COG6: variants seen among roughly 807,000 people sequenced by gnomAD.
The protein encoded by COG6 is conserved oligomeric Golgi complex subunit 6.
COG6 carries 74 observed loss-of-function variants against 88.8 expected under a neutral mutation model. The ratio of observed to expected loss-of-function variants is 0.83; its 90% confidence interval spans 0.69 to 1.01. The LOEUF is 1.01. Ranked by LOEUF, COG6 falls within the 50% of genes least tolerant of loss-of-function variation. COG6 has a pLI of 0.00. For synonymous variants in COG6, 286 were observed against 278.7 expected, an observed-to-expected ratio of 1.03 and a Z score of -0.26; for missense variants, 800 against 797.9, an observed-to-expected ratio of 1.00 and a Z score of -0.03.
Position 39,655,804 on chromosome 13 carries a change from G to A in COG6, c.78G>A (p.Gly26=). ...AANGLNNGAG[G]TSATTCNPLS... is the part of the protein sequence containing the mutation. ...ACGGCCTCAACAATGGGGCAGGCGG[G>A]ACCTCGGCGACGACCTGCAACCCGC... Residue 26 remains glycine, a synonymous_variant, in exon 1 of 19, where the codon GGG becomes GGA. Coordinates refer to ENST00000455146, the MANE Select transcript of COG6 (RefSeq NM_020751.3). 6.3e-7 allele frequency: 1 copy of A among 1,598,780 alleles called. No individual in the cohort carries two copies. Among genetic ancestry groups the A allele is most frequent in the Non-Finnish European group, 8.5e-7 (1 of 1,173,286 alleles).
downstream of COG6, among the ~76,000 whole-genome samples, chr13:39,757,118 A>G (rs1334208324): frequency 6.6e-6 from 1 of 152,240 alleles, no homozygotes; most frequent in Non-Finnish European, 1.5e-5. Context: ...ATTTTAAAAG[A>G]TTGAAATTAT....
intron 13 of COG6, among the ~76,000 whole-genome samples, chr13:39,704,353 A>G (rs947376027): frequency 2.0e-5 from 3 of 152,194 alleles, no homozygotes; most frequent in Admixed American, 2.0e-4. Flanking sequence ...ATGCCTTGCT[A>G]ATAACATAAG....
intron 13 of COG6, among the ~76,000 whole-genome samples, chr13:39,712,326 T>TATA (rs2138061378): frequency 6.6e-6 from 1 of 152,338 alleles, no homozygotes; most frequent in African/African-American, 2.4e-5. Flanking sequence ...AAATAGCATT[T>TATA]ATAATGCCAA....
chr13:39,778,329 A>G (rs1371006511), intron 18 of COG6, among the ~76,000 whole-genome samples: 4 of 152,238 alleles, frequency 2.6e-5, no homozygotes, highest in Non-Finnish European at 5.9e-5. Context: ...AAAAGGCAGC[A>G]TAGGGCAAAA....
intron 4 of COG6, among the ~76,000 whole-genome samples, chr13:39,669,029 C>T (rs887684443): frequency 1.2e-4 from 18 of 144,430 alleles, no homozygotes; most frequent in Non-Finnish European, 2.0e-4. Context: ...ATATAGTACA[C>T]AGTTCCATCA....
intron 18 of COG6, among the ~76,000 whole-genome samples, chr13:39,730,273 G>A (rs970463150): frequency 6.6e-6 from 1 of 151,904 alleles, no homozygotes; most frequent in Non-Finnish European, 1.5e-5. Context: ...ACAAACAAGA[G>A]TTTGAAATTT....
At chr13:39,777,088 A>G (rs1881486929) in intron 18 of COG6, among the ~76,000 whole-genome samples, 1 of 152,242 alleles carries the variant, frequency 6.6e-6, no homozygotes, top group African/African-American at 2.4e-5. Context: ...TACTTTGCAT[A>G]CATTATCTAA....
At chr13:39,734,301 C>T (rs963578175) in intron 18 of COG6, among the ~76,000 whole-genome samples, 2 of 151,886 alleles carry the variant, frequency 1.3e-5, no homozygotes, top group African/African-American at 2.4e-5. Context: ...ATGTTGTTTC[C>T]ATTTTCAGTT....
chr13:39,689,299 G>T (rs752266901), intron 10 of COG6, among the ~76,000 whole-genome samples: 24 of 152,068 alleles, frequency 1.6e-4, no homozygotes, highest in Non-Finnish European at 2.5e-4. Context: ...AATAGTTGGT[G>T]TTTTGAAAAT....
At chr13:39,666,247 T>C (rs1312248389) in intron 4 of COG6, among the ~76,000 whole-genome samples, 1 of 152,072 alleles carries the variant, frequency 6.6e-6, no homozygotes, top group Non-Finnish European at 1.5e-5. Flanking sequence ...TAGAAAATAG[T>C]TTGGGTAGCT....
At chr13:39,672,138 TAACTA>T (rs1329484142) in intron 4 of COG6, among the ~76,000 whole-genome samples, 1 of 152,010 alleles carries the variant, frequency 6.6e-6, no homozygotes, top group Admixed American at 6.6e-5. Context: ...CATATATACT[TAACTA>T]AATGTTATTA....
At chr13:39,770,216 T>G (rs1881281069) in intron 18 of COG6, among the ~76,000 whole-genome samples, 1 of 152,200 alleles carries the variant, frequency 6.6e-6, no homozygotes, top group Non-Finnish European at 1.5e-5. Context: ...TAGGTTTTCT[T>G]TTTGGGCTGC....
intron 18 of COG6, among the ~76,000 whole-genome samples, chr13:39,782,474 A>G (rs1339662422): frequency 1.3e-5 from 2 of 152,154 alleles, no homozygotes; most frequent in Non-Finnish European, 2.9e-5. Flanking sequence ...AACCTGTGGG[A>G]GGCCCCCCTC....
At chr13:39,753,612 CTT>C (rs1286664567), downstream of COG6, among the ~76,000 whole-genome samples, 2 of 152,022 alleles carry the variant, frequency 1.3e-5, no homozygotes, top group African/African-American at 4.8e-5. Flanking sequence ...ATCTCCTCTC[CTT>C]CCTTGTTTTG....
chr13:39,682,061 A>AT (rs967356447), intron 7 of COG6, 110 bp from the exon 8 acceptor site: 1,432 of 731,136 alleles, frequency 2.0e-3, no homozygotes, highest in Non-Finnish European at 2.4e-3. Context: ...TTTTCTGAGG[A>AT]TTTTTTTTTA....
At chr13:39,693,723 T>C (rs1020019835) in intron 11 of COG6, among the ~76,000 whole-genome samples, 1 of 152,078 alleles carries the variant, frequency 6.6e-6, no homozygotes, top group African/African-American at 2.4e-5. Context: ...CATATGCAGA[T>C]ATAAAATCTC....
At chr13:39,679,320 A>C (rs1285436304) in intron 5 of COG6, 1 of 541,904 alleles carries the variant, frequency 1.8e-6, no homozygotes, top group East Asian at 3.2e-5. Flanking sequence ...ACTATTTGGC[A>C]CATAGTAGAA....
At chr13:39,678,472 T>A (rs1876107717) in intron 5 of COG6, among the ~76,000 whole-genome samples, 1 of 152,246 alleles carries the variant, frequency 6.6e-6, no homozygotes, top group Non-Finnish European at 1.5e-5. Flanking sequence ...ACTTGTTTTT[T>A]CATCTAATTA....
chr13:39,777,426 C>T (rs1881497115), intron 18 of COG6, among the ~76,000 whole-genome samples: 1 of 152,002 alleles, frequency 6.6e-6, no homozygotes, highest in Admixed American at 6.6e-5. Flanking sequence ...GAGAGGATAG[C>T]TACTTGGGAA....
Sources: gnomAD v4.1 joint callset for allele counts (sites outside exome capture counted in the v4.1 genomes callset) on GRCh38, gnomAD v4.1.1 for gene constraint, MANE v1.5 for transcripts, NCBI Gene and HGNC (gene_info 2026-07-23, HGNC 2026-07-21) for gene names.